Variants in CREB5 observed in about 807,000 individuals in gnomAD.
The protein encoded by CREB5 is cyclic AMP-responsive element-binding protein 5.
In CREB5, 19 loss-of-function variants were observed where a neutral mutation model predicts 57.1. That is an observed-to-expected ratio of 0.33 (90% CI 0.23 to 0.49). The LOEUF (loss-of-function observed/expected upper bound fraction) is 0.49, where lower values mean the gene tolerates loss of function less well. CREB5 is among the 20% of genes least tolerant of loss of function. The pLI is 0.99. For missense variants in CREB5, 579 were observed against 671.6 expected, an observed-to-expected ratio of 0.86 and a Z score of 1.52; for synonymous variants, 238 against 238.3, an observed-to-expected ratio of 1.00 and a Z score of 0.01.
chr7:28,440,283 A>G (rs1402583164), intron 1 of CREB5, among the ~76,000 whole-genome samples: 1 of 152,170 alleles, frequency 6.6e-6, no homozygotes, highest in Non-Finnish European at 1.5e-5. Context: ...AGTTGTGTTT[A>G]CTTTAAGTAC....
chr7:28,344,228 C>T (rs1203340557), intron 1 of CREB5, among the ~76,000 whole-genome samples: 1 of 152,066 alleles, frequency 6.6e-6, no homozygotes, highest in Admixed American at 6.6e-5. Context: ...CTTGCCAAGA[C>T]CAATGTCATA....
intron 4 of CREB5, chr7:28,513,849 G>A (rs1225264963): frequency 6.6e-6 from 1 of 152,170 alleles, no homozygotes; most frequent in East Asian, 1.9e-4. Context: ...GTGATCTCAG[G>A]TTCTGCTTCA....
rs756555445 is a variant in CREB5 at position 28,804,478 on chromosome 7, C to G, written c.982C>G (p.Gln328Glu). The part of the protein sequence containing the change: ...SHLHAHPAHH[Q>E]TSPHPPLHTG... ...CCTTCATGCACACCCAGCACATCAC[C>G]AGACCTCGCCACATCCGCCCCTGCA... The change falls in exon 8 of 11, where the codon CAG becomes GAG. Residue 328 changes from glutamine to glutamate, a missense_variant. Gln to Glu is a conservative substitution (Grantham distance 29). This residue lies in a region of CREB5 where 459 missense variants were observed against 515.7 expected (regional missense o/e 0.89). Transcript: ENST00000357727. 6.2e-7 allele frequency: 1 copy of G among 1,614,156 alleles called. No individual in the cohort carries two copies. The highest frequency in any genetic ancestry group is 8.5e-7 in the Non-Finnish European group (1 of 1,180,026).
At chr7:28,454,339 C>T (rs917064158) in intron 1 of CREB5, among the ~76,000 whole-genome samples, 1 of 152,180 alleles carries the variant, frequency 6.6e-6, no homozygotes, top group African/African-American at 2.4e-5. Context: ...AAAGCTGCCA[C>T]AGTTGTAGGT....
intron 1 of CREB5, among the ~76,000 whole-genome samples, chr7:28,354,554 T>TACTAATA (rs1193163067): frequency 2.0e-5 from 3 of 152,184 alleles, no homozygotes; most frequent in Non-Finnish European, 4.4e-5. Context: ...CCCCTCTATA[T>TACTAATA]GTATCTCTCT....
intron 5 of CREB5, among the ~76,000 whole-genome samples, chr7:28,665,161 C>T (rs41336): frequency 0.2 from 29,816 of 152,084 alleles, 3,500 homozygotes; most frequent in East Asian, 0.49. Context: ...CCTAGCTTGA[C>T]CTCTGCTGCT....
Position 28,560,299 on chromosome 7 carries a change from A to C in CREB5, c.292-10066A>C, listed in dbSNP as rs113860692. Among the ~76,000 whole-genome samples, 1,052 of 152,264 alleles carry C rather than the reference A, an allele frequency of 6.9e-3. 11 individuals are homozygous for C. The highest frequency in any genetic ancestry group is 0.024 in the African/African-American group (1,014 of 41,554). On this transcript the variant is annotated intron_variant, in intron 4 of 10. Transcript: ENST00000357727. ...AAAATTTGAAGTCACTAGTTGCGTA[A>C]TGAATAGACCAGTGTGGCTGGAGTT...
chr7:28,769,769 A>G (rs1562628743), intron 7 of CREB5, among the ~76,000 whole-genome samples: 1 of 152,202 alleles, frequency 6.6e-6, no homozygotes, highest in Non-Finnish European at 1.5e-5. Flanking sequence ...TTTTATTTCA[A>G]TAGGACAATC....
At chr7:28,699,965 C>A (rs1034298509) in intron 5 of CREB5, among the ~76,000 whole-genome samples, 3 of 152,192 alleles carry the variant, frequency 2.0e-5, no homozygotes, top group South Asian at 4.1e-4. Context: ...ACTGGGAAAT[C>A]AGTTTTAACA....
intron 5 of CREB5, among the ~76,000 whole-genome samples, chr7:28,677,978 T>A (rs1290111270): frequency 3.3e-5 from 5 of 152,190 alleles, no homozygotes; most frequent in African/African-American, 1.2e-4. Flanking sequence ...TCCTTCCCAT[T>A]TCTATTAATA....
At chr7:28,711,498 T>C (rs961345040) in intron 5 of CREB5, among the ~76,000 whole-genome samples, 1 of 152,232 alleles carries the variant, frequency 6.6e-6, no homozygotes, top group Non-Finnish European at 1.5e-5. Flanking sequence ...GTTCGGAACA[T>C]GAGCTCATTC....
At chr7:28,656,030 G>A (rs951673072) in intron 5 of CREB5, among the ~76,000 whole-genome samples, 7 of 152,188 alleles carry the variant, frequency 4.6e-5, no homozygotes, top group African/African-American at 1.7e-4. Context: ...AAAAAATGTA[G>A]AACGTTGAGC....
chr7:28,663,312 C>A (rs1335828816), intron 5 of CREB5, among the ~76,000 whole-genome samples: 2 of 151,972 alleles, frequency 1.3e-5, no homozygotes, highest in Non-Finnish European at 2.9e-5. Flanking sequence ...TCAAGCGATT[C>A]TCCCATCTCA....
At chr7:28,377,105 AG>A in intron 1 of CREB5, among the ~76,000 whole-genome samples, 1 of 152,264 alleles carries the variant, frequency 6.6e-6, no homozygotes, top group South Asian at 2.1e-4. Context: ...TTACTCTACA[AG>A]GGGTCTTCTT....
intron 1 of CREB5, among the ~76,000 whole-genome samples, chr7:28,332,579 CG>C (rs1038233311): frequency 6.6e-6 from 1 of 152,128 alleles, no homozygotes; most frequent in African/African-American, 2.4e-5. Flanking sequence ...TACACCTTCC[CG>C]TCTCCTCACA....
chr7:28,704,522 G>A (rs1014764532), intron 5 of CREB5, among the ~76,000 whole-genome samples: 2 of 151,566 alleles, frequency 1.3e-5, no homozygotes, highest in African/African-American at 2.4e-5. Context: ...GCAGTGACAC[G>A]ATCATAGCTC....
intron 1 of CREB5, among the ~76,000 whole-genome samples, chr7:28,315,517 C>T (rs1785360364): frequency 6.6e-6 from 1 of 152,232 alleles, no homozygotes; most frequent in Admixed American, 6.5e-5. Flanking sequence ...CAAAAGCAGA[C>T]AGGAGACACT....
intron 5 of CREB5, among the ~76,000 whole-genome samples, chr7:28,624,421 A>G (rs1001435139): frequency 6.6e-6 from 1 of 152,226 alleles, no homozygotes; most frequent in Non-Finnish European, 1.5e-5. Context: ...ACAGATGCTT[A>G]ATGAATGATT....
chr7:28,669,919 C>A (rs1799963170), intron 5 of CREB5, among the ~76,000 whole-genome samples: 1 of 152,222 alleles, frequency 6.6e-6, no homozygotes, highest in South Asian at 2.1e-4. Flanking sequence ...ACAAGGGGAG[C>A]CCCCGCTACC....
Sources: gnomAD v4.1 joint callset for allele counts (sites outside exome capture counted in the v4.1 genomes callset) on GRCh38, gnomAD v4.1.1 for gene constraint, gnomAD v4.1.1 regional missense constraint, MANE v1.5 for transcripts, NCBI Gene and HGNC (gene_info 2026-07-23, HGNC 2026-07-21) for gene names.